LRRTM4: variants seen among roughly 807,000 people sequenced by gnomAD.
LRRTM4 encodes leucine rich repeat transmembrane neuronal 4.
Under a neutral mutation model 47.6 loss-of-function variants are expected in LRRTM4, and 25 were observed. The ratio of observed to expected loss-of-function variants is 0.53; its 90% confidence interval spans 0.38 to 0.73. LRRTM4 has a LOEUF of 0.73. Among genes scored for constraint, LRRTM4 ranks in the 30% least tolerant of loss-of-function variants. LRRTM4 has a pLI of 0.00. For missense variants in LRRTM4, 638 were observed against 713.4 expected, an observed-to-expected ratio of 0.89 and a Z score of 1.20; for synonymous variants, 311 against 269.5, an observed-to-expected ratio of 1.15 and a Z score of -1.51.
In LRRTM4 at chr2:77,052,819, T is replaced by A. The variant is rs944192115; in HGVS notation, c.1552-303903A>T. Among the ~76,000 whole-genome samples the A allele has an allele frequency of 3.9e-5, 6 of 152,058 alleles. No individual in the cohort carries two copies. In the East Asian group the frequency reaches 9.6e-4, roughly 24 times the overall value. ...AAAGGACGCTGACACAGAATTTTTT[T>A]AAAAAACAGTGAAAAATGTGTTTGA... is the stretch of plus-strand genomic sequence containing the variant. On this transcript the variant is annotated intron_variant, in intron 3 of 3. Coordinates refer to ENST00000409884, the MANE Select transcript of LRRTM4 (RefSeq NM_001134745.3).
chr2:77,467,535 G>T (rs1020150243), intron 3 of LRRTM4, among the ~76,000 whole-genome samples: 1 of 152,144 alleles, frequency 6.6e-6, no homozygotes, highest in Non-Finnish European at 1.5e-5. Flanking sequence ...GTGCACATGT[G>T]TACATGTAAC....
At chr2:77,092,562 C>T (rs1263131710) in intron 3 of LRRTM4, among the ~76,000 whole-genome samples, 1 of 127,338 alleles carries the variant, frequency 7.9e-6, no homozygotes, top group Non-Finnish European at 1.5e-5. Flanking sequence ...CCCTACACAT[C>T]AAGCTCGAGG....
intron 3 of LRRTM4, among the ~76,000 whole-genome samples, chr2:76,986,485 G>T (rs1676800371): frequency 1.3e-5 from 2 of 151,874 alleles, no homozygotes; most frequent in South Asian, 4.1e-4. Context: ...CTTCTCTTCT[G>T]CAAAGAAACC....
intron 3 of LRRTM4, among the ~76,000 whole-genome samples, chr2:77,276,686 C>CATATATATATATATATAT (rs3980215): frequency 1.4e-5 from 1 of 71,726 alleles, no homozygotes; most frequent in Non-Finnish European, 2.7e-5. Flanking sequence ...TTTGTGTACG[C>CATATATATATATATATAT]ATATATATAT....
chr2:76,927,792 A>T (rs898075795), intron 3 of LRRTM4, among the ~76,000 whole-genome samples: 1 of 152,170 alleles, frequency 6.6e-6, no homozygotes, highest in African/African-American at 2.4e-5. Flanking sequence ...CTCTCTGTGA[A>T]GGTCTCCGTC....
chr2:77,522,059 A>C, intron 1 of LRRTM4, 50 bp downstream of exon 1: 1 of 714,206 alleles, frequency 1.4e-6, no homozygotes, highest in Non-Finnish European at 2.6e-6. Context: ...TCTCGGAGGT[A>C]ACCAACTTCT....
rs13386507 is a variant in LRRTM4, at chr2:77,313,858, C to T, written c.1551+204460G>A. Among the ~76,000 whole-genome samples the T allele has an allele frequency of 9.4e-3, 1,434 of 152,138 alleles. 32 individuals carry two copies. Among genetic ancestry groups the T allele is most frequent in the African/African-American group, 0.033 (1,358 of 41,486 alleles). ...ATTCAAATTCCTTAGGAAACCACAC[C>T]CCACTCAAAATCAAATATTTTAATG... On this transcript the variant is annotated intron_variant, in intron 3 of 3. Coordinates refer to ENST00000409884, the MANE Select transcript of LRRTM4 (RefSeq NM_001134745.3).
At chr2:77,205,588 G>T (rs889231515) in intron 3 of LRRTM4, among the ~76,000 whole-genome samples, 1 of 152,114 alleles carries the variant, frequency 6.6e-6, no homozygotes, top group African/African-American at 2.4e-5. Flanking sequence ...AGCACAAAGA[G>T]GAAGAGGGAG....
intron 3 of LRRTM4, among the ~76,000 whole-genome samples, chr2:76,895,759 C>G (rs114738944): frequency 0.011 from 1,585 of 150,706 alleles, 32 homozygotes; most frequent in African/African-American, 0.037. Flanking sequence ...TGGTGATGAG[C>G]CCAATTCTGT....
chr2:77,180,568 C>T (rs181254248), intron 3 of LRRTM4, among the ~76,000 whole-genome samples: 1 of 152,216 alleles, frequency 6.6e-6, no homozygotes, highest in African/African-American at 2.4e-5. Context: ...TCATGTAAAA[C>T]CTTCACATCA....
chr2:76,782,412 G>C (rs568760862), intron 3 of LRRTM4, among the ~76,000 whole-genome samples: 2 of 152,140 alleles, frequency 1.3e-5, no homozygotes, highest in South Asian at 4.1e-4. Flanking sequence ...CTTTCTTTGG[G>C]GTCCCATGAT....
chr2:77,185,709 GCAT>G (rs1451903613), intron 3 of LRRTM4, among the ~76,000 whole-genome samples: 1 of 152,074 alleles, frequency 6.6e-6, no homozygotes, highest in Non-Finnish European at 1.5e-5. Flanking sequence ...TAAGCCACAT[GCAT>G]CTTTTAAACC....
intron 3 of LRRTM4, among the ~76,000 whole-genome samples, chr2:77,256,537 AG>A (rs1342726984): frequency 1.3e-4 from 20 of 152,216 alleles, no homozygotes; most frequent in African/African-American, 4.8e-4. Flanking sequence ...GTTCCATGAT[AG>A]TGAGTAAGTT....
At chr2:77,003,267 TTTATTTGC>T (rs1195233182) in intron 3 of LRRTM4, among the ~76,000 whole-genome samples, 11 of 151,780 alleles carry the variant, frequency 7.2e-5, no homozygotes, top group East Asian at 3.9e-4. Context: ...CTATTTTACT[TTTATTTGC>T]TTATTTTCAT....
chr2:76,800,739 A>C (rs1348798737), intron 3 of LRRTM4, among the ~76,000 whole-genome samples: 2 of 111,454 alleles, frequency 1.8e-5, no homozygotes, highest in East Asian at 3.8e-4. Context: ...TCTACAATGA[A>C]CTCAAACAAA....
intron 3 of LRRTM4, among the ~76,000 whole-genome samples, chr2:76,771,225 A>G (rs903530059): frequency 6.6e-6 from 1 of 152,220 alleles, no homozygotes; most frequent in Non-Finnish European, 1.5e-5. Flanking sequence ...GAAGAAAAAG[A>G]TGAAGGGAGA....
chr2:77,517,637 A>G (rs1394959224), intron 3 of LRRTM4: 1 of 983,828 alleles, frequency 1.0e-6, no homozygotes, highest in Non-Finnish European at 1.2e-6. Context: ...ACAAACAAAA[A>G]AAGAAGGAAG....
chr2:77,104,724 C>A (rs146010592), intron 3 of LRRTM4, among the ~76,000 whole-genome samples: 1 of 152,174 alleles, frequency 6.6e-6, no homozygotes, highest in Non-Finnish European at 1.5e-5. Context: ...AATTTGAGGA[C>A]ACCCGCTGAA....
At chr2:76,964,338 T>C (rs918387891) in intron 3 of LRRTM4, among the ~76,000 whole-genome samples, 8 of 151,090 alleles carry the variant, frequency 5.3e-5, no homozygotes, top group African/African-American at 1.9e-4. Flanking sequence ...CTCTGTTTCA[T>C]TGAATGTAAC....
Sources: allele counts gnomAD v4.1 joint callset (sites outside exome capture counted in the v4.1 genomes callset), GRCh38; gene constraint gnomAD v4.1.1; transcripts MANE v1.5; gene names NCBI Gene and HGNC (gene_info 2026-07-23, HGNC 2026-07-21).